Variants in SORCS1 observed in about 807,000 individuals in gnomAD.
The protein encoded by SORCS1 is VPS10 domain-containing receptor SorCS1.
A neutral mutation model predicts 146.1 loss-of-function variants in SORCS1; 60 were observed. That is an observed-to-expected ratio of 0.41 (90% CI 0.33 to 0.51). SORCS1 has a LOEUF of 0.51. SORCS1 is among the 20% of genes least tolerant of loss of function. The probability of loss-of-function intolerance (pLI) is 0.21; values close to 1 mark genes in which losing one functional copy is unlikely to be tolerated. For missense variants in SORCS1, 1,352 were observed against 1,487.6 expected (o/e 0.91, Z 1.50); for synonymous variants, 637 against 584.0 (o/e 1.09, Z -1.31).
chr10:106,667,584 T>C (rs1851259518), intron 17 of SORCS1, 105 bp downstream of exon 17: 3 of 746,898 alleles, frequency 4.0e-6, no homozygotes, highest in Non-Finnish European at 6.9e-6. Flanking sequence ...CATTGTGCTG[T>C]AAGGAAATAT....
chr10:107,121,044 G>A (rs1966376975), intron 1 of SORCS1, among the ~76,000 whole-genome samples: 1 of 152,180 alleles, frequency 6.6e-6, no homozygotes, highest in African/African-American at 2.4e-5. Flanking sequence ...AGGTAACATG[G>A]CACAGTGAAA....
Position 107,164,428 on chromosome 10 carries a change from G to C in SORCS1, c.99C>G (p.Gly33=). 2 of 1,409,570 alleles carry C rather than the reference G, an allele frequency of 1.4e-6. No individual in the cohort carries two copies. Among genetic ancestry groups the C allele is most frequent in the Non-Finnish European group, 1.8e-6 (2 of 1,087,472 alleles). 87.3% of individuals were successfully genotyped at this position (1,409,570 alleles called of 1,614,324 possible). A position where few individuals can be genotyped will look rare whatever the true frequency, so the allele number is the denominator to read the frequency against. The part of the protein sequence containing the change: ...LLILCAPGVC[G]GGSCCPSPHP... ...GCGGCGAGGGGCAGCAGGAGCCGCCGCCGCAGACGCCCGGGGCGCAGAGGA... is the reference window on the plus strand; with the variant it reads ...GCGGCGAGGGGCAGCAGGAGCCGCCCCCGCAGACGCCCGGGGCGCAGAGGA... The change falls in exon 1 of 26, where the codon GGC becomes GGG. Residue 33 remains glycine (G), a synonymous_variant. Transcript: ENST00000263054. This position sits in a 1 kb window ranked among gnomAD's most constrained non-coding sequence, Gnocchi z 6.8.
chr10:106,578,112 T>C (rs534309550), intron 25 of SORCS1: 1 of 152,638 alleles, frequency 6.6e-6, no homozygotes, highest in African/African-American at 2.4e-5. Flanking sequence ...GGTTATATAA[T>C]AATTTATTCA....
At chr10:106,890,291 T>C (rs1951179140) in intron 2 of SORCS1, among the ~76,000 whole-genome samples, 1 of 152,182 alleles carries the variant, frequency 6.6e-6, no homozygotes, top group African/African-American at 2.4e-5. Context: ...TTTACAAAGA[T>C]TGAACCTTTT....
At chr10:106,906,380 C>A (rs932275913) in intron 2 of SORCS1, among the ~76,000 whole-genome samples, 6 of 152,282 alleles carry the variant, frequency 3.9e-5, no homozygotes, top group South Asian at 2.1e-4. Context: ...TCCCAAAGTG[C>A]TGGGATTACA....
chr10:106,832,412 C>T (rs1297159312), intron 2 of SORCS1, among the ~76,000 whole-genome samples: 1 of 152,090 alleles, frequency 6.6e-6, no homozygotes, highest in Non-Finnish European at 1.5e-5. Flanking sequence ...TGGCCTTGAA[C>T]TCCTGACCTT....
At chr10:106,828,934 C>T (rs967762968) in intron 3 of SORCS1, among the ~76,000 whole-genome samples, 8 of 152,160 alleles carry the variant, frequency 5.3e-5, no homozygotes, top group Admixed American at 1.3e-4. Flanking sequence ...GCAATGGGCA[C>T]AAACTATTTC....
intron 1 of SORCS1, among the ~76,000 whole-genome samples, chr10:107,033,886 A>C (rs1268523702): frequency 6.6e-6 from 1 of 152,136 alleles, no homozygotes; most frequent in Non-Finnish European, 1.5e-5. Flanking sequence ...GGGGTGAGGG[A>C]GCCTAGAGCT....
chr10:107,020,234 T>C lies in SORCS1; in HGVS notation c.559-63654A>G, dbSNP rs935596014. On this transcript the variant is annotated intron_variant, in intron 1 of 25. Coordinates refer to ENST00000263054, the MANE Select transcript of SORCS1 (RefSeq NM_052918.5). ...GCCTCTAATCTTAGGACTTCACTAA[T>C]GGCCTTAAAATAAAAATGTTCCTTT... 2.0e-5 allele frequency among the ~76,000 whole-genome samples: 3 copies of C among 152,226 alleles called. No individual in the cohort carries two copies. The East Asian group carries it at 5.8e-4, about 29-fold the overall frequency.
intron 3 of SORCS1, among the ~76,000 whole-genome samples, chr10:106,811,374 C>T (rs1947449927): frequency 6.6e-6 from 1 of 152,098 alleles, no homozygotes; most frequent in Non-Finnish European, 1.5e-5. Flanking sequence ...AAAATAATGC[C>T]TTCCTGTTGG....
At chr10:106,641,345 T>C (rs1351237897) in intron 18 of SORCS1, among the ~76,000 whole-genome samples, 2 of 152,220 alleles carry the variant, frequency 1.3e-5, no homozygotes, top group Non-Finnish European at 2.9e-5. Flanking sequence ...CTGGCTTGAG[T>C]ACATACTACT....
At chr10:107,000,192 G>A (rs2139603521) in intron 1 of SORCS1, among the ~76,000 whole-genome samples, 1 of 152,324 alleles carries the variant, frequency 6.6e-6, no homozygotes, top group Non-Finnish European at 1.5e-5. Context: ...ACAGAGAGAA[G>A]TTTGTACCTT....
chr10:106,949,594 T>G (rs1463326063), intron 2 of SORCS1, among the ~76,000 whole-genome samples: 1 of 152,210 alleles, frequency 6.6e-6, no homozygotes, highest in Non-Finnish European at 1.5e-5. Context: ...AAATTGTGTC[T>G]CCTGAGAAAA....
Position 106,699,244 on chromosome 10 carries a change from AG to A in SORCS1, c.1382del (p.Pro461LeufsTer6). ...ALENVQSSRG[P>X]EGNIMIDLYE... Reference sequence around the variant, plus strand: ...AGAGGTCGATCATGATGTTGCCCTCAGGGCCTCTGCTGCTCTGGACATTCTC... The same window carrying A: ...AGAGGTCGATCATGATGTTGCCCTCAGGCCTCTGCTGCTCTGGACATTCTC... On this transcript the variant is annotated frameshift_variant, in exon 9 of 26. Coordinates refer to ENST00000263054, the MANE Select transcript of SORCS1 (RefSeq NM_052918.5). LOFTEE classifies it high-confidence loss of function. The A allele has an allele frequency of 6.2e-7, 1 of 1,613,640 alleles. No homozygotes were observed. The highest frequency in any genetic ancestry group is 8.5e-7 in the Non-Finnish European group (1 of 1,179,740).
At chr10:106,774,745 C>T (rs546224235) in intron 4 of SORCS1, among the ~76,000 whole-genome samples, 4 of 152,238 alleles carry the variant, frequency 2.6e-5, no homozygotes, top group South Asian at 2.1e-4. Context: ...GACAGCACTG[C>T]CTTTGTGGCC....
intron 3 of SORCS1, among the ~76,000 whole-genome samples, chr10:106,797,075 C>A (rs1946604739): frequency 6.6e-6 from 1 of 152,012 alleles, no homozygotes; most frequent in African/African-American, 2.4e-5. Flanking sequence ...CCACTGCACT[C>A]CAGCATGGGC....
In SORCS1 at chr10:106,789,130, C is replaced by T. The variant is rs11193051; in HGVS notation, c.727-12438G>A. Among the ~76,000 whole-genome samples, 1,562 of 152,188 alleles carry T rather than the reference C, an allele frequency of 0.01. 62 individuals carry two copies. In the East Asian group the frequency reaches 0.14, roughly 13 times the overall value. ...TGGTGGTCCCTTTCAGCCACGCCTG[C>T]GACAGAGGGCACCAAGTCCCTAGGC... On this transcript the variant is annotated intron_variant, in intron 3 of 25. Transcript: ENST00000263054.
At chr10:106,633,539 G>C (rs952003517) in intron 18 of SORCS1, among the ~76,000 whole-genome samples, 1 of 152,060 alleles carries the variant, frequency 6.6e-6, no homozygotes, top group Non-Finnish European at 1.5e-5. Flanking sequence ...TCTAAGTAGG[G>C]GTTTAAGGGA....
chr10:106,970,882 GC>G (rs1955749012), intron 1 of SORCS1, among the ~76,000 whole-genome samples: 3 of 149,538 alleles, frequency 2.0e-5, no homozygotes, highest in Non-Finnish European at 4.4e-5. Context: ...GGGATTACAG[GC>G]ACCCGCCACC....
Sources: allele counts gnomAD v4.1 joint callset (sites outside exome capture counted in the v4.1 genomes callset), GRCh38; gene constraint gnomAD v4.1.1; non-coding constraint Gnocchi (gnomAD v3.1); transcripts MANE v1.5; gene names NCBI Gene and HGNC (gene_info 2026-07-23, HGNC 2026-07-21).